Variants in DENND1A observed in about 807,000 individuals in gnomAD.
DENND1A encodes the protein DENN domain-containing protein 1A.
In DENND1A, 51 loss-of-function variants were observed where a neutral mutation model predicts 113.7. The observed-to-expected ratio is 0.45, with a 90% CI of 0.36 to 0.57. The LOEUF is 0.57. Ranked by LOEUF, DENND1A falls within the 20% of genes least tolerant of loss-of-function variation. The probability of loss-of-function intolerance (pLI) is 0.00; values close to 1 mark genes in which losing one functional copy is unlikely to be tolerated. For synonymous variants in DENND1A, 565 were observed against 570.8 expected, an observed-to-expected ratio of 0.99 and a Z score of 0.14; for missense variants, 1,258 against 1,395.9, an observed-to-expected ratio of 0.90 and a Z score of 1.57.
At chr9:123,913,774 G>A (rs761449941) in intron 1 of DENND1A, among the ~76,000 whole-genome samples, 1 of 151,648 alleles carries the variant, frequency 6.6e-6, no homozygotes, top group Non-Finnish European at 1.5e-5. Flanking sequence ...CCATGGTGGT[G>A]CATGCCTGTA....
intron 11 of DENND1A, among the ~76,000 whole-genome samples, chr9:123,590,892 C>G (rs755014567): frequency 6.6e-6 from 1 of 152,118 alleles, no homozygotes; most frequent in Non-Finnish European, 1.5e-5. Flanking sequence ...AGTGTGCGAA[C>G]AATGGTGAAT....
At chr9:123,639,933 C>T (rs1442130815) in intron 9 of DENND1A, among the ~76,000 whole-genome samples, 2 of 151,982 alleles carry the variant, frequency 1.3e-5, no homozygotes, top group Non-Finnish European at 2.9e-5. Context: ...CATTATTGTC[C>T]CCATTTTATA....
chr9:123,711,513 G>GTATATATATACATATATA (rs1554970668), intron 5 of DENND1A, among the ~76,000 whole-genome samples: 1 of 121,008 alleles, frequency 8.3e-6, no homozygotes, highest in African/African-American at 3.3e-5. Context: ...ATGTATATAT[G>GTATATATATACATATATA]TATATATATA....
rs189720453 is a variant in DENND1A, at chr9:123,501,370, T to C, written c.994-43473A>G. Among the ~76,000 whole-genome samples the C allele has an allele frequency of 2.0e-5, 3 of 152,338 alleles. No homozygotes were observed. In the East Asian group the frequency reaches 5.8e-4, roughly 29 times the overall value. On this transcript the variant is annotated intron_variant, in intron 13 of 23. Coordinates refer to ENST00000394215, the MANE Select transcript of DENND1A (RefSeq NM_001352964.2). ...ATGGACACCTGGGTTGCTTCCACAT[T>C]TTAGCTATTGTGAATAGTGCTGCTC...
intron 5 of DENND1A, among the ~76,000 whole-genome samples, chr9:123,682,639 C>A (rs879335193): frequency 3.3e-5 from 5 of 151,318 alleles, no homozygotes; most frequent in Non-Finnish European, 5.9e-5. Context: ...GGGGAGAACA[C>A]TGGCTTGAGT....
intron 10 of DENND1A, among the ~76,000 whole-genome samples, chr9:123,611,169 C>G (rs970114079): frequency 6.6e-6 from 1 of 152,052 alleles, no homozygotes. Flanking sequence ...GTGGAGTTGT[C>G]TTTTCTTCTT....
chr9:123,913,511 A>G (rs1410530401), intron 1 of DENND1A, among the ~76,000 whole-genome samples: 1 of 152,178 alleles, frequency 6.6e-6, no homozygotes, highest in Non-Finnish European at 1.5e-5. Context: ...TCAAGTGTGG[A>G]AAAAAATTAA....
chr9:123,597,802 C>T (rs948931515), intron 11 of DENND1A, among the ~76,000 whole-genome samples: 1 of 152,186 alleles, frequency 6.6e-6, no homozygotes, highest in Non-Finnish European at 1.5e-5. Context: ...CTCCCTCCTG[C>T]TGAGGATGAC....
intron 2 of DENND1A, among the ~76,000 whole-genome samples, chr9:123,870,672 T>C (rs529045723): frequency 6.6e-6 from 1 of 152,180 alleles, no homozygotes; most frequent in South Asian, 2.1e-4. Context: ...CCTGACCTCG[T>C]GATCCGCCCA....
intron 21 of DENND1A, among the ~76,000 whole-genome samples, chr9:123,396,370 C>G (rs1407893011): frequency 6.6e-6 from 1 of 152,250 alleles, no homozygotes; most frequent in Non-Finnish European, 1.5e-5. Flanking sequence ...GATGGGCCCA[C>G]GCCCCCAGGG....
At chr9:123,839,192 C>T (rs570628853) in intron 2 of DENND1A, among the ~76,000 whole-genome samples, 64 of 152,124 alleles carry the variant, frequency 4.2e-4, no homozygotes, top group Non-Finnish European at 8.2e-4. Context: ...AAGTGGTGAA[C>T]GAAGGAAGCC....
chr9:123,411,894 C>A, intron 19 of DENND1A, 65 bp from the exon 20 acceptor site: 8 of 970,724 alleles, frequency 8.2e-6, no homozygotes, highest in Non-Finnish European at 9.8e-6. Context: ...TTTCCACACA[C>A]GGCCTGGAGG....
intron 13 of DENND1A, among the ~76,000 whole-genome samples, chr9:123,507,618 G>C (rs539239510): frequency 6.6e-6 from 1 of 152,148 alleles, no homozygotes; most frequent in South Asian, 2.1e-4. Context: ...GGAGGCCGAG[G>C]GGGGCAGCTC....
At chr9:123,805,548 C>T (rs191479059) in intron 2 of DENND1A, among the ~76,000 whole-genome samples, 1 of 152,006 alleles carries the variant, frequency 6.6e-6, no homozygotes, top group East Asian at 1.9e-4. Flanking sequence ...ATTATCCTGC[C>T]TTAGCCTCCC....
At chr9:123,797,139 A>G (rs939709193) in intron 2 of DENND1A, among the ~76,000 whole-genome samples, 1 of 152,216 alleles carries the variant, frequency 6.6e-6, no homozygotes, top group Non-Finnish European at 1.5e-5. Flanking sequence ...TATTGAACAT[A>G]TTTAAAGCTT....
chr9:123,856,218 A>G (rs573389991), intron 2 of DENND1A, among the ~76,000 whole-genome samples: 79 of 152,340 alleles, frequency 5.2e-4, no homozygotes, highest in African/African-American at 1.6e-3. Flanking sequence ...GTACACGTCC[A>G]TACTTGGTGA....
chr9:123,513,250 C>A (rs2053604184), intron 13 of DENND1A, among the ~76,000 whole-genome samples: 1 of 152,200 alleles, frequency 6.6e-6, no homozygotes, highest in Non-Finnish European at 1.5e-5. Flanking sequence ...GCCTGGCACA[C>A]TGAATGGAGC....
chr9:123,798,187 A>C (rs1834058750), intron 2 of DENND1A: 1 of 152,196 alleles, frequency 6.6e-6, no homozygotes. Flanking sequence ...CTGATAACAT[A>C]GGAACAGTTA....
At chr9:123,769,354 TA>T (rs1432066917) in intron 4 of DENND1A, among the ~76,000 whole-genome samples, 159 bp downstream of exon 4, 3 of 152,210 alleles carry the variant, frequency 2.0e-5, no homozygotes, top group African/African-American at 7.2e-5. Context: ...ACAGTGTCAA[TA>T]AAAACCCCAG....
Sources: allele counts gnomAD v4.1 joint callset (sites outside exome capture counted in the v4.1 genomes callset), GRCh38; gene constraint gnomAD v4.1.1; transcripts MANE v1.5; gene names NCBI Gene and HGNC (gene_info 2026-07-23, HGNC 2026-07-21).